WWOX: variants seen among roughly 807,000 people sequenced by gnomAD.
WWOX encodes the protein WW domain containing oxidoreductase.
Under a neutral mutation model 46.2 loss-of-function variants are expected in WWOX, and 69 were observed. That is an observed-to-expected ratio of 1.49 (90% confidence interval 1.23 to 1.82). The LOEUF is 1.82. Ranked by LOEUF, WWOX falls within the 40% of genes most tolerant of loss-of-function variation. The pLI is 0.00. For synonymous variants in WWOX, 359 were observed against 202.6 expected, an observed-to-expected ratio of 1.77 and a Z score of -6.56; for missense variants, 919 against 542.6, an observed-to-expected ratio of 1.69 and a Z score of -6.89.
intron 6 of WWOX, among the ~76,000 whole-genome samples, chr16:78,424,291 T>G (rs2083025397): frequency 6.6e-6 from 1 of 151,966 alleles, no homozygotes. Flanking sequence ...CTAATTTTTT[T>G]TGTGTTTTGA....
At chr16:78,680,560 G>A (rs578183566) in intron 8 of WWOX, among the ~76,000 whole-genome samples, 2 of 152,110 alleles carry the variant, frequency 1.3e-5, no homozygotes, top group Admixed American at 6.6e-5. Context: ...ATGTAGAGCT[G>A]GGCTATCCAA....
intron 8 of WWOX, among the ~76,000 whole-genome samples, chr16:78,847,978 A>T (rs924614098): frequency 6.6e-6 from 1 of 152,138 alleles, no homozygotes; most frequent in Non-Finnish European, 1.5e-5. Context: ...TGGTGGCCAC[A>T]TAAAGGGAGA....
chr16:78,594,293 C>T (rs947762785), intron 8 of WWOX, among the ~76,000 whole-genome samples: 12 of 152,078 alleles, frequency 7.9e-5, no homozygotes, highest in African/African-American at 2.9e-4. Context: ...CCTGACATTT[C>T]CGTAGACTGT....
In WWOX at chr16:78,392,866, C is replaced by T. The variant is rs12597725; in HGVS notation, c.605+5918C>T. ...TGCCCACTCTCTGTTTACTCACTCC[C>T]ATTTTCATTCATTGATTCTGTTATT... On this transcript the variant is annotated intron_variant, in intron 6 of 8. Coordinates refer to ENST00000566780, the MANE Select transcript of WWOX (RefSeq NM_016373.4). Among the ~76,000 whole-genome samples the T allele has an allele frequency of 2.1e-3, 320 of 152,240 alleles. 7 individuals are homozygous for T. Among genetic ancestry groups the T allele is most frequent in the Admixed American group, 0.017 (253 of 15,288 alleles).
At chr16:78,914,478 T>G (rs1489635369) in intron 8 of WWOX, among the ~76,000 whole-genome samples, 1 of 152,038 alleles carries the variant, frequency 6.6e-6, no homozygotes, top group Non-Finnish European at 1.5e-5. Context: ...TTCTTTTTAA[T>G]GCAGAAGATT....
chr16:79,124,974 A>G lies in WWOX; in HGVS notation c.1057-86634A>G, dbSNP rs150972057. ...GAGAGTTAATGATTTTCTCCAGATC[A>G]TTCACATTCATTTCTGTTACACAGC... On this transcript the variant is annotated intron_variant, in intron 8 of 8. Transcript: ENST00000566780. 4.6e-5 allele frequency among the ~76,000 whole-genome samples: 7 copies of G among 152,186 alleles called. No homozygotes were observed. The East Asian group carries it at 1.2e-3, about 25-fold the overall frequency.
At position 78,255,782 on chromosome 16, in the gene WWOX, C is replaced by T. The variant is rs1342952516; in HGVS notation, c.516+91493C>T. ...TCTAGTTCTTATAAATCCATGTACTCCTCCCAGTAGCTTTATGAGGTCTTA... is the reference window on the plus strand; with the variant it reads ...TCTAGTTCTTATAAATCCATGTACTTCTCCCAGTAGCTTTATGAGGTCTTA... On this transcript the variant is annotated intron_variant, in intron 5 of 8. Transcript: ENST00000566780. Among the ~76,000 whole-genome samples, 3 of 152,136 alleles carry T rather than the reference C, an allele frequency of 2.0e-5. No individual in the cohort carries two copies. The East Asian group carries it at 5.8e-4, about 29-fold the overall frequency.
chr16:78,590,146 G>GTGTCTC (rs1555569766), intron 8 of WWOX, among the ~76,000 whole-genome samples: 3 of 149,618 alleles, frequency 2.0e-5, no homozygotes, highest in African/African-American at 7.4e-5. Flanking sequence ...TAGGCATTCA[G>GTGTCTC]TCTCTCTCTC....
At chr16:78,943,217 CT>C (rs1479684644) in intron 8 of WWOX, among the ~76,000 whole-genome samples, 52 of 152,228 alleles carry the variant, frequency 3.4e-4, no homozygotes, top group Non-Finnish European at 4.4e-5. Flanking sequence ...CAAATAACCT[CT>C]TCCTTTTTCT....
At chr16:78,502,310 G>A (rs566986768) in intron 8 of WWOX, among the ~76,000 whole-genome samples, 1 of 152,188 alleles carries the variant, frequency 6.6e-6, no homozygotes, top group African/African-American at 2.4e-5. Context: ...ATTAACCCAA[G>A]AAAATGACCC....
intron 8 of WWOX, among the ~76,000 whole-genome samples, chr16:78,549,004 G>A (rs963257455): frequency 6.6e-6 from 1 of 152,126 alleles, no homozygotes; most frequent in Non-Finnish European, 1.5e-5. Context: ...TATAATTCAT[G>A]CTTTTAAACA....
intron 8 of WWOX, among the ~76,000 whole-genome samples, chr16:78,486,170 T>C (rs2084631087): frequency 6.6e-6 from 1 of 152,204 alleles, no homozygotes; most frequent in South Asian, 2.1e-4. Flanking sequence ...AAACCCTGTT[T>C]TGTAGTATTT....
chr16:78,651,446 G>C (rs191759357), intron 8 of WWOX, among the ~76,000 whole-genome samples: 1 of 152,242 alleles, frequency 6.6e-6, no homozygotes, highest in South Asian at 2.1e-4. Context: ...CTGGAGGTCA[G>C]AAGCCATGCA....
At position 78,344,880 on chromosome 16, in the gene WWOX, G is replaced by C. The variant is rs1236483527; in HGVS notation, c.517-41980G>C. On this transcript the variant is annotated intron_variant, in intron 5 of 8. Coordinates refer to ENST00000566780, the MANE Select transcript of WWOX (RefSeq NM_016373.4). ...TGAAGAAGTTAGTTTGGTGAACATGGGCTTCAGGGTCAGACTGCTTGTGTT... is the reference window on the plus strand; with the variant it reads ...TGAAGAAGTTAGTTTGGTGAACATGCGCTTCAGGGTCAGACTGCTTGTGTT... Among the ~76,000 whole-genome samples the C allele has an allele frequency of 3.3e-5, 4 of 120,920 alleles. 1 individual carries two copies. Among genetic ancestry groups the C allele is most frequent in the African/African-American group, 1.1e-4 (4 of 35,656 alleles). The allele number at this position is 120,920 out of a possible 152,430, so 79.3% of individuals were successfully genotyped here.
chr16:79,041,554 G>A (rs1026156636), intron 8 of WWOX, among the ~76,000 whole-genome samples: 1 of 152,130 alleles, frequency 6.6e-6, no homozygotes, highest in Non-Finnish European at 1.5e-5. Flanking sequence ...GGCCAAGGAG[G>A]GCTGAGCCTA....
intron 8 of WWOX, among the ~76,000 whole-genome samples, chr16:78,637,924 C>G (rs75368857): frequency 2.8e-4 from 42 of 152,126 alleles, no homozygotes; most frequent in Non-Finnish European, 5.4e-4. Flanking sequence ...CGTCCTTCCT[C>G]TGAGTTGGGG....
At chr16:78,611,035 C>T (rs1479197292) in intron 8 of WWOX, among the ~76,000 whole-genome samples, 1 of 152,110 alleles carries the variant, frequency 6.6e-6, no homozygotes, top group Non-Finnish European at 1.5e-5. Context: ...ATATGAAGAA[C>T]AATTTCAATC....
intron 8 of WWOX, among the ~76,000 whole-genome samples, chr16:78,713,708 C>G (rs1220400021): frequency 6.6e-6 from 1 of 152,140 alleles, no homozygotes; most frequent in African/African-American, 2.4e-5. Flanking sequence ...CCGGAGAAGC[C>G]AAACCTGCTG....
intron 8 of WWOX, among the ~76,000 whole-genome samples, chr16:78,709,771 C>G (rs908967632): frequency 6.6e-6 from 1 of 151,754 alleles, no homozygotes; most frequent in Non-Finnish European, 1.5e-5. Context: ...CTCTGTCACC[C>G]ACGCTGGAGT....
Sources: allele counts gnomAD v4.1 joint callset (sites outside exome capture counted in the v4.1 genomes callset), GRCh38; gene constraint gnomAD v4.1.1; transcripts MANE v1.5; gene names NCBI Gene and HGNC (gene_info 2026-07-23, HGNC 2026-07-21).